Variants in NCAM1 observed in about 807,000 individuals in gnomAD.
NCAM1 encodes the protein neural cell adhesion molecule 1.
In NCAM1, 14 loss-of-function variants were observed where a neutral mutation model predicts 109.8. That is an observed-to-expected ratio of 0.13 (90% CI 0.08 to 0.20). The LOEUF (loss-of-function observed/expected upper bound fraction) is 0.20, where lower values mean the gene tolerates loss of function less well. NCAM1 is among the 10% of genes least tolerant of loss of function. NCAM1 has a pLI of 1.00. For synonymous variants in NCAM1, 418 were observed against 442.9 expected, an observed-to-expected ratio of 0.94 and a Z score of 0.70; for missense variants, 774 against 1,109.9, an observed-to-expected ratio of 0.70 and a Z score of 4.30.
chr11:113,189,449 C>CAA (rs10712434), intron 1 of NCAM1, among the ~76,000 whole-genome samples: 2,484 of 117,968 alleles, frequency 0.021, 72 homozygotes, highest in East Asian at 0.071. Context: ...GATTCTGTCT[C>CAA]AAAAAAAAAA....
chr11:113,237,302 A>T (rs576508894), intron 14 of NCAM1, among the ~76,000 whole-genome samples: 1 of 152,246 alleles, frequency 6.6e-6, no homozygotes, highest in Non-Finnish European at 1.5e-5. Flanking sequence ...GAAGCTGTAC[A>T]GTCTTTTCAT....
chr11:113,087,714 C>T (rs575300909), intron 1 of NCAM1, among the ~76,000 whole-genome samples: 2 of 152,298 alleles, frequency 1.3e-5, no homozygotes, highest in South Asian at 4.1e-4. Context: ...TAGGGGGCTT[C>T]ATAGCATAGT....
intron 1 of NCAM1, among the ~76,000 whole-genome samples, chr11:113,176,553 A>ACATTT (rs1943148106): frequency 6.6e-6 from 1 of 152,136 alleles, no homozygotes; most frequent in South Asian, 2.1e-4. Flanking sequence ...CATCTGGTCT[A>ACATTT]CTCTGAGGTC....
intron 1 of NCAM1, among the ~76,000 whole-genome samples, chr11:113,020,900 G>A (rs1555076169): frequency 6.6e-6 from 1 of 152,088 alleles, no homozygotes; most frequent in African/African-American, 2.4e-5. Flanking sequence ...GGGATTGCAG[G>A]CATGTGCCAC....
intron 1 of NCAM1, among the ~76,000 whole-genome samples, chr11:113,191,852 G>T (rs1943688596): frequency 6.6e-6 from 1 of 151,844 alleles, no homozygotes; most frequent in South Asian, 2.1e-4. Context: ...CTTTGCACTG[G>T]TTGTTGGAGA....
At chr11:113,066,387 G>A (rs918692445) in intron 1 of NCAM1, among the ~76,000 whole-genome samples, 14 of 152,044 alleles carry the variant, frequency 9.2e-5, no homozygotes, top group South Asian at 4.2e-4. Flanking sequence ...CACTAATTAC[G>A]TAAGGCTTTG....
chr11:113,164,229 G>A (rs1249285893), intron 1 of NCAM1, among the ~76,000 whole-genome samples: 1 of 152,160 alleles, frequency 6.6e-6, no homozygotes, highest in Non-Finnish European at 1.5e-5. Flanking sequence ...TCCATGGTAA[G>A]AAACACAAAC....
intron 1 of NCAM1, among the ~76,000 whole-genome samples, chr11:113,134,927 G>A (rs1555099095): frequency 6.6e-6 from 1 of 152,090 alleles, no homozygotes; most frequent in Non-Finnish European, 1.5e-5. Flanking sequence ...GTAGCAGACG[G>A]TTCCTGTTTT....
At chr11:113,029,366 T>C (rs1952649090) in intron 1 of NCAM1, among the ~76,000 whole-genome samples, 1 of 152,218 alleles carries the variant, frequency 6.6e-6, no homozygotes, top group Non-Finnish European at 1.5e-5. Context: ...GAAGGCTCTA[T>C]GTTAAAAAAC....
chr11:113,080,906 G>C (rs1938779477), intron 1 of NCAM1, among the ~76,000 whole-genome samples: 1 of 152,194 alleles, frequency 6.6e-6, no homozygotes, highest in Non-Finnish European at 1.5e-5. Context: ...ATATTGCTAG[G>C]ATCCAGAGCG....
intron 6 of NCAM1, 66 bp from the exon 7 acceptor site, chr11:113,207,767 A>G: frequency 6.7e-7 from 1 of 1,488,572 alleles, no homozygotes; most frequent in Admixed American, 2.0e-5. Flanking sequence ...TATGGAACCT[A>G]ATTAAAAATA....
intron 1 of NCAM1, among the ~76,000 whole-genome samples, chr11:113,199,718 G>A (rs1220224129): frequency 6.7e-6 from 1 of 150,166 alleles, no homozygotes; most frequent in African/African-American, 2.5e-5. Flanking sequence ...CACCAGCATG[G>A]CACATTTATA....
chr11:112,968,917 A>G (rs1386589149), intron 1 of NCAM1, among the ~76,000 whole-genome samples: 3 of 152,236 alleles, frequency 2.0e-5, no homozygotes, highest in African/African-American at 7.2e-5. Flanking sequence ...GGAGAAGGTC[A>G]GATAGCTTCA....
At chr11:113,019,894 C>T (rs536143676) in intron 1 of NCAM1, among the ~76,000 whole-genome samples, 3 of 152,262 alleles carry the variant, frequency 2.0e-5, no homozygotes, top group South Asian at 4.1e-4. Context: ...TCTTTCATTG[C>T]CGTTTTTCTG....
intron 1 of NCAM1, among the ~76,000 whole-genome samples, chr11:113,083,725 TGA>T (rs1938951613): frequency 6.6e-6 from 1 of 152,324 alleles, no homozygotes; most frequent in South Asian, 2.1e-4. Context: ...GAGCAGAGCC[TGA>T]GAGTCTGTAG....
chr11:113,014,660 T>C (rs1180962015), intron 1 of NCAM1, among the ~76,000 whole-genome samples: 1 of 152,230 alleles, frequency 6.6e-6, no homozygotes, highest in Non-Finnish European at 1.5e-5. Context: ...TACCTTACTA[T>C]AAGATGTTTT....
intron 1 of NCAM1, among the ~76,000 whole-genome samples, chr11:113,068,393 T>C (rs1039127477): frequency 1.3e-5 from 2 of 152,272 alleles, no homozygotes; most frequent in Non-Finnish European, 1.5e-5. Flanking sequence ...GACCATAAGG[T>C]TCTTATGAAA....
chr11:113,132,815 AGAGGTCTGTCCTACCCCTATT>A (rs1468438446), intron 1 of NCAM1: 2 of 152,324 alleles, frequency 1.3e-5, no homozygotes, highest in Non-Finnish European at 2.9e-5. Context: ...CCCACCCCAT[AGAGGTCTGTCCTACCCCTATT>A]GAGACTGGAG....
chr11:113,215,746 G>C (rs931863083), intron 8 of NCAM1, among the ~76,000 whole-genome samples: 49 of 152,220 alleles, frequency 3.2e-4, no homozygotes, highest in Non-Finnish European at 5.9e-5. Context: ...CACATATGCT[G>C]TTTGAAACTG....
Sources: allele counts gnomAD v4.1 joint callset (sites outside exome capture counted in the v4.1 genomes callset), GRCh38; gene constraint gnomAD v4.1.1; transcripts MANE v1.5; gene names NCBI Gene and HGNC (gene_info 2026-07-23, HGNC 2026-07-21).